Variants in PARN observed in about 807,000 individuals in gnomAD.
The protein encoded by PARN is poly(A)-specific ribonuclease, also known as poly(A)-specific ribonuclease PARN.
PARN carries 71 observed loss-of-function variants against 102.8 expected under a neutral mutation model. That is an observed-to-expected ratio of 0.69 (90% CI 0.57 to 0.84). The LOEUF is 0.84. Among genes scored for constraint, PARN ranks in the 40% least tolerant of loss-of-function variants. The pLI is 0.00. For missense variants in PARN, 782 were observed against 760.9 expected, an observed-to-expected ratio of 1.03 and a Z score of -0.33; for synonymous variants, 261 against 252.9, an observed-to-expected ratio of 1.03 and a Z score of -0.30.
At chr16:14,520,854 G>C (rs1965699917) in intron 21 of PARN, among the ~76,000 whole-genome samples, 1 of 152,212 alleles carries the variant, frequency 6.6e-6, no homozygotes, top group African/African-American at 2.4e-5. Context: ...AAGGGGTTGG[G>C]GGTGAGTACA....
chr16:14,561,444 C>T (rs1299546571), intron 18 of PARN, among the ~76,000 whole-genome samples: 1 of 152,194 alleles, frequency 6.6e-6, no homozygotes, highest in Admixed American at 6.5e-5. Context: ...TTGTTAATTA[C>T]CACTAAAGAT....
At chr16:14,504,726 C>A (rs1964800998) in intron 21 of PARN, among the ~76,000 whole-genome samples, 1 of 152,100 alleles carries the variant, frequency 6.6e-6, no homozygotes, top group African/African-American at 2.4e-5. Flanking sequence ...ATAGGTTATA[C>A]CATTGACTCA....
chr16:14,604,927 T>C (rs1175862421), intron 10 of PARN, among the ~76,000 whole-genome samples: 1 of 151,332 alleles, frequency 6.6e-6, no homozygotes, highest in African/African-American at 2.4e-5. Context: ...GAAGTTGTAA[T>C]TTTTGTAACC....
chr16:14,488,734 G>A (rs1475048918), intron 21 of PARN, among the ~76,000 whole-genome samples: 1 of 152,212 alleles, frequency 6.6e-6, no homozygotes, highest in Non-Finnish European at 1.5e-5. Flanking sequence ...TTGGGAAGGT[G>A]TGGAGCAACA....
chr16:14,486,463 G>A (rs1210590966), intron 21 of PARN, among the ~76,000 whole-genome samples: 2 of 152,168 alleles, frequency 1.3e-5, no homozygotes, highest in Non-Finnish European at 2.9e-5. Flanking sequence ...GTGATGACAG[G>A]GTCACAGGCG....
At chr16:14,622,807 A>G (rs1235333057) in intron 5 of PARN, among the ~76,000 whole-genome samples, 2 of 151,892 alleles carry the variant, frequency 1.3e-5, no homozygotes, top group Non-Finnish European at 1.5e-5. Context: ...CACCCGGCCC[A>G]TTTTTTACAA....
At chr16:14,577,775 C>T (rs931830346) in intron 18 of PARN, among the ~76,000 whole-genome samples, 2 of 152,136 alleles carry the variant, frequency 1.3e-5, no homozygotes, top group African/African-American at 4.8e-5. Context: ...TCAAGCAATT[C>T]TCCTGCCTCA....
At chr16:14,629,115 A>C (rs927644883) in intron 2 of PARN, among the ~76,000 whole-genome samples, 2 of 152,226 alleles carry the variant, frequency 1.3e-5, no homozygotes, top group Non-Finnish European at 2.9e-5. Flanking sequence ...CGGTTGCTAA[A>C]GGCTGGGCGA....
chr16:14,514,155 CTTTA>C (rs1320180068), intron 21 of PARN, among the ~76,000 whole-genome samples: 1 of 152,122 alleles, frequency 6.6e-6, no homozygotes, highest in Admixed American at 6.5e-5. Context: ...ATAAGAGTCA[CTTTA>C]TTTATTTAAT....
chr16:14,593,616 G>A (rs1268998009), intron 12 of PARN, among the ~76,000 whole-genome samples: 1 of 149,794 alleles, frequency 6.7e-6, no homozygotes, highest in African/African-American at 2.5e-5. Context: ...TGACTTTGAT[G>A]TCACTGATCT....
At chr16:14,562,925 T>C (rs910626558) in intron 18 of PARN, among the ~76,000 whole-genome samples, 2 of 152,240 alleles carry the variant, frequency 1.3e-5, no homozygotes, top group African/African-American at 4.8e-5. Flanking sequence ...TGGCTTGCCT[T>C]GGACTGTGGC....
rs1453388805 is a variant in PARN at position 14,610,883 on chromosome 16, A to T, written c.389-74T>A. On this transcript the variant is annotated intron_variant, in intron 6 of 23. Coordinates refer to ENST00000437198, the MANE Select transcript of PARN (RefSeq NM_002582.4). ...ATAAAATTTGTTTAACAAACCAAAGAGTCTAAATTACTCAGGAAAGATTTA... is the reference window on the plus strand; with the variant it reads ...ATAAAATTTGTTTAACAAACCAAAGTGTCTAAATTACTCAGGAAAGATTTA... The T allele has an allele frequency of 7.4e-6, 7 of 940,982 alleles. No homozygotes were observed. In the East Asian group the frequency reaches 1.2e-4, roughly 16 times the overall value. 58.3% of individuals were successfully genotyped at this position (940,982 alleles called of 1,614,324 possible).
At chr16:14,582,318 C>T (rs754501387) in intron 16 of PARN, 27 bp from the exon 17 acceptor site, 4 of 1,512,180 alleles carry the variant, frequency 2.6e-6, no homozygotes, top group Non-Finnish European at 3.7e-6. Context: ...AAAAGTTTTC[C>T]TCAAAACAAA....
intron 18 of PARN, among the ~76,000 whole-genome samples, chr16:14,574,858 G>A (rs1239080649): frequency 1.3e-5 from 2 of 152,182 alleles, no homozygotes; most frequent in Non-Finnish European, 2.9e-5. Flanking sequence ...CCCATCACAG[G>A]CCCAGAAGTT....
intron 22 of PARN, among the ~76,000 whole-genome samples, chr16:14,451,863 A>T: frequency 1.3e-5 from 1 of 77,914 alleles, no homozygotes; most frequent in Non-Finnish European, 2.5e-5. Flanking sequence ...AAAAAAAAAA[A>T]AAATACAAAA....
intron 6 of PARN, 51 bp downstream of exon 6, chr16:14,617,539 G>C: frequency 1.1e-6 from 1 of 900,180 alleles, no homozygotes; most frequent in East Asian, 2.4e-5. Context: ...TACTTCCCAA[G>C]GATATTTTGA....
intron 6 of PARN, among the ~76,000 whole-genome samples, chr16:14,616,982 G>A (rs940727801): frequency 2.0e-5 from 3 of 150,900 alleles, no homozygotes; most frequent in Admixed American, 6.6e-5. Context: ...AACTGCACTC[G>A]ATAAAAACAG....
chr16:14,602,605 G>A (rs923025723), intron 11 of PARN, among the ~76,000 whole-genome samples: 1 of 152,130 alleles, frequency 6.6e-6, no homozygotes, highest in African/African-American at 2.4e-5. Flanking sequence ...TATCAAAACG[G>A]GCCATGCAGG....
intron 6 of PARN, among the ~76,000 whole-genome samples, chr16:14,612,157 G>T (rs765897593): frequency 1.3e-5 from 2 of 152,104 alleles, no homozygotes; most frequent in Non-Finnish European, 2.9e-5. Flanking sequence ...AACACCTTGC[G>T]GCCGGGCATG....
Sources: allele counts gnomAD v4.1 joint callset (sites outside exome capture counted in the v4.1 genomes callset), GRCh38; gene constraint gnomAD v4.1.1; transcripts MANE v1.5; gene names NCBI Gene and HGNC (gene_info 2026-07-23, HGNC 2026-07-21).